The following PLEKHA5 variants were observed in gnomAD, a reference collection of about 807,000 sequenced individuals.
The protein encoded by PLEKHA5 is pleckstrin homology domain containing A5.
A neutral mutation model predicts 181.9 loss-of-function variants in PLEKHA5; 55 were observed. The ratio of observed to expected loss-of-function variants is 0.30; its 90% CI spans 0.24 to 0.38. PLEKHA5 has a LOEUF of 0.38. Among genes scored for constraint, PLEKHA5 ranks in the 10% least tolerant of loss-of-function variants. The pLI is 1.00. For missense variants in PLEKHA5, 1,432 were observed against 1,549.5 expected (o/e 0.92, Z 1.27); for synonymous variants, 535 against 529.4 (o/e 1.01, Z -0.15).
intron 3 of PLEKHA5, chr12:19,153,732 TA>T (rs1287574980): frequency 6.6e-6 from 1 of 152,164 alleles, no homozygotes; most frequent in African/African-American, 2.4e-5. Flanking sequence ...TTCACCCCCC[TA>T]AAATCATCTG....
chr12:19,228,514 G>A (rs1045542569), intron 3 of PLEKHA5, among the ~76,000 whole-genome samples: 2 of 152,046 alleles, frequency 1.3e-5, no homozygotes, highest in Non-Finnish European at 2.9e-5. Flanking sequence ...AGACACTATT[G>A]TTGTAAGTCT....
Position 19,306,624 on chromosome 12 carries a change from G to A in PLEKHA5, c.2038-8190G>A. Reference sequence around the variant, plus strand: ...CCCAGTAGCGGAGGTGGTGGCGGCGGTGGAGGCGGCGGCATCGAGGTAATA... The same window carrying A: ...CCCAGTAGCGGAGGTGGTGGCGGCGATGGAGGCGGCGGCATCGAGGTAATA... On this transcript the variant is annotated intron_variant, in intron 15 of 31. Coordinates refer to ENST00000429027, the MANE Select transcript of PLEKHA5 (RefSeq NM_001256470.2). 5.6e-6 allele frequency: 6 copies of A among 1,073,324 alleles called. No individual in the cohort carries two copies. In the Admixed American group the frequency reaches 1.0e-4, roughly 18 times the overall value. The allele number at this position is 1,073,324 out of a possible 1,614,324, so 66.5% of individuals were successfully genotyped here. A position where few individuals can be genotyped will look rare whatever the true frequency, so the allele number is the denominator to read the frequency against.
intron 3 of PLEKHA5, among the ~76,000 whole-genome samples, chr12:19,135,966 ACCT>A (rs2035526638): frequency 6.7e-6 from 1 of 148,182 alleles, no homozygotes; most frequent in African/African-American, 2.5e-5. Context: ...TGCAGCCTTG[ACCT>A]CCTGGGCTTA....
At chr12:19,169,531 G>C (rs903151523) in intron 3 of PLEKHA5, among the ~76,000 whole-genome samples, 2 of 152,160 alleles carry the variant, frequency 1.3e-5, no homozygotes, top group African/African-American at 4.8e-5. Flanking sequence ...TCTTGTCTAT[G>C]AGAACAAGCT....
chr12:19,319,262 C>G (rs2089999858), intron 16 of PLEKHA5, among the ~76,000 whole-genome samples: 1 of 152,218 alleles, frequency 6.6e-6, no homozygotes, highest in African/African-American at 2.4e-5. Flanking sequence ...GTTTAACAAT[C>G]ACTGCATACC....
At chr12:19,305,259 T>C (rs2082889753) in intron 15 of PLEKHA5, among the ~76,000 whole-genome samples, 1 of 152,108 alleles carries the variant, frequency 6.6e-6, no homozygotes, top group African/African-American at 2.4e-5. Context: ...ATGATGGGGT[T>C]TTAAAATCAA....
intron 3 of PLEKHA5, among the ~76,000 whole-genome samples, chr12:19,175,291 T>C (rs1384243558): frequency 1.3e-5 from 2 of 152,342 alleles, no homozygotes; most frequent in Admixed American, 6.5e-5. Context: ...AGTATTGATA[T>C]TGAGTTGAAC....
At chr12:19,165,821 C>A (rs1262476596) in intron 3 of PLEKHA5, among the ~76,000 whole-genome samples, 1 of 152,140 alleles carries the variant, frequency 6.6e-6, no homozygotes, top group African/African-American at 2.4e-5. Flanking sequence ...CATAGTTACA[C>A]AATGAGCAGT....
intron 14 of PLEKHA5, 112 bp from the exon 15 acceptor site, chr12:19,291,532 G>A (rs2078452484): frequency 1.6e-6 from 1 of 625,936 alleles, no homozygotes; most frequent in Non-Finnish European, 2.8e-6. Context: ...GTCGTGTACT[G>A]TGATATAATA....
At chr12:19,169,346 A>C (rs1261933625) in intron 3 of PLEKHA5, among the ~76,000 whole-genome samples, 1 of 151,890 alleles carries the variant, frequency 6.6e-6, no homozygotes, top group Non-Finnish European at 1.5e-5. Flanking sequence ...GCTTCCGCTG[A>C]CAGTGAAAGG....
chr12:19,332,991 G>C (rs1390068800), intron 20 of PLEKHA5, among the ~76,000 whole-genome samples: 1 of 152,102 alleles, frequency 6.6e-6, no homozygotes, highest in African/African-American at 2.4e-5. Flanking sequence ...TATACTCTTT[G>C]CCTGGCTTCC....
chr12:19,287,146 C>T (rs1331601322), intron 12 of PLEKHA5, among the ~76,000 whole-genome samples: 1 of 151,962 alleles, frequency 6.6e-6, no homozygotes, highest in African/African-American at 2.4e-5. Flanking sequence ...TACAGGCCCA[C>T]GCCACCACAC....
rs1172169667 is a variant in PLEKHA5 at position 19,336,585 on chromosome 12, A to C, written c.2519A>C (p.Gln840Pro). ...GTAACTGTTACCAGGAACCAGATGC[A>C]AGAGCAGCTGGATCACCTTGGTGAA... ...YDVTVTRNQMQEQLDHLGEVQ... is the reference protein window; with the variant it reads ...YDVTVTRNQMPEQLDHLGEVQ... The change falls in exon 21 of 32, where the codon CAA becomes CCA. Residue 840 changes from glutamine (Q) to proline (P), a missense_variant. Gln to Pro is a moderately conservative substitution (Grantham distance 76). Coordinates refer to ENST00000429027, the MANE Select transcript of PLEKHA5 (RefSeq NM_001256470.2). 1 of 1,601,046 alleles carries C rather than the reference A, an allele frequency of 6.2e-7. No homozygotes were observed. Among genetic ancestry groups the C allele is most frequent in the Non-Finnish European group, 8.6e-7 (1 of 1,168,896 alleles).
chr12:19,316,661 G>A (rs559558040), intron 16 of PLEKHA5, among the ~76,000 whole-genome samples: 1 of 152,250 alleles, frequency 6.6e-6, no homozygotes, highest in African/African-American at 2.4e-5. Flanking sequence ...GTTAAGGCTA[G>A]GGAGTCTTCA....
In PLEKHA5 at chr12:19,348,392, T is replaced by C; in HGVS notation, c.2899-7T>C. 1.3e-6 allele frequency: 2 copies of C among 1,569,596 alleles called. No individual in the cohort carries two copies. The highest frequency in any genetic ancestry group is 1.7e-6 in the Non-Finnish European group (2 of 1,163,518). On this transcript the variant is annotated splice_polypyrimidine_tract_variant and splice_region_variant and intron_variant, in intron 24 of 31. Transcript: ENST00000429027. Reference sequence around the variant, plus strand: ...TTTTTAGGGTAATTACATGTCTTCCTTTCAAGGGTCCAGATTATAGACTCT... The same window carrying C: ...TTTTTAGGGTAATTACATGTCTTCCCTTCAAGGGTCCAGATTATAGACTCT...
At chr12:19,307,074 C>A in intron 15 of PLEKHA5, 1 of 1,280,150 alleles carries the variant, frequency 7.8e-7, no homozygotes, top group Non-Finnish European at 1.1e-6. Context: ...CAATCTGTTG[C>A]CACAGATAGT....
chr12:19,270,327 G>A, intron 10 of PLEKHA5, 122 bp downstream of exon 10: 1 of 485,982 alleles, frequency 2.1e-6, no homozygotes, highest in Admixed American at 4.0e-5. Context: ...GTGTTTTTCT[G>A]TAATAGTGTG....
At chr12:19,153,542 C>A (rs1182808872) in intron 3 of PLEKHA5, 1 of 152,102 alleles carries the variant, frequency 6.6e-6, no homozygotes, top group Non-Finnish European at 1.5e-5. Context: ...TACCCCCTCC[C>A]CCACTGTGGA....
At chr12:19,359,578 A>G (rs749494200) in intron 28 of PLEKHA5, 32 bp downstream of exon 28, 1 of 1,592,586 alleles carries the variant, frequency 6.3e-7, no homozygotes, top group Non-Finnish European at 8.6e-7. Context: ...AGGTATTCCA[A>G]AGGAATAGAT....
Sources: allele counts gnomAD v4.1 joint callset (sites outside exome capture counted in the v4.1 genomes callset), GRCh38; gene constraint gnomAD v4.1.1; transcripts MANE v1.5; gene names NCBI Gene and HGNC (gene_info 2026-07-23, HGNC 2026-07-21).